Variants in TENT4B observed in about 807,000 individuals in gnomAD.
The protein encoded by TENT4B is terminal nucleotidyltransferase 4B.
In TENT4B, 10 loss-of-function variants were observed where a neutral mutation model predicts 75.0. The observed-to-expected ratio is 0.13, with a 90% confidence interval of 0.08 to 0.23. The LOEUF (loss-of-function observed/expected upper bound fraction) is 0.23. Among genes scored for constraint, TENT4B ranks in the 10% least tolerant of loss-of-function variants. TENT4B has a pLI of 1.00. For synonymous variants in TENT4B, 350 were observed against 357.7 expected, an observed-to-expected ratio of 0.98 and a Z score of 0.24; for missense variants, 579 against 893.8, an observed-to-expected ratio of 0.65 and a Z score of 4.49.
chr16:50,160,752 A>G (rs943209514), intron 1 of TENT4B, among the ~76,000 whole-genome samples: 1 of 152,212 alleles, frequency 6.6e-6, no homozygotes, highest in Non-Finnish European at 1.5e-5. Flanking sequence ...AGAAAATTAA[A>G]GTAATTTTTT....
chr16:50,164,268 A>G (rs1280918866), intron 1 of TENT4B, among the ~76,000 whole-genome samples: 1 of 152,108 alleles, frequency 6.6e-6, no homozygotes, highest in African/African-American at 2.4e-5. Flanking sequence ...ATCCCAAAGT[A>G]TTGGGATTAC....
intron 1 of TENT4B, among the ~76,000 whole-genome samples, chr16:50,207,140 T>A (rs901970932): frequency 6.6e-6 from 1 of 151,992 alleles, no homozygotes; most frequent in African/African-American, 2.4e-5. Context: ...TATATGACTT[T>A]TCTTTTGTGA....
intron 2 of TENT4B, among the ~76,000 whole-genome samples, chr16:50,213,299 C>T (rs1198583312): frequency 1.3e-5 from 2 of 152,100 alleles, no homozygotes; most frequent in African/African-American, 4.8e-5. Context: ...CATCAGGTGA[C>T]CCACCTGCCT....
chr16:50,179,534 G>A (rs552999894), intron 1 of TENT4B, among the ~76,000 whole-genome samples: 167 of 152,198 alleles, frequency 1.1e-3, no homozygotes, highest in African/African-American at 3.7e-3. Flanking sequence ...GCCCAAAATT[G>A]TATATATGAG....
intron 1 of TENT4B, among the ~76,000 whole-genome samples, chr16:50,199,157 G>C (rs879096028): frequency 1.3e-5 from 2 of 152,216 alleles, no homozygotes; most frequent in Admixed American, 1.3e-4. Flanking sequence ...AGAGGGAAGT[G>C]ACCTTCCTTA....
chr16:50,169,572 T>C (rs1294347858), intron 1 of TENT4B, among the ~76,000 whole-genome samples: 2 of 152,148 alleles, frequency 1.3e-5, no homozygotes, highest in Non-Finnish European at 2.9e-5. Flanking sequence ...TTTCTGTTGT[T>C]AGCTGGAATG....
At chr16:50,226,882 A>G (rs556385888) in intron 10 of TENT4B, among the ~76,000 whole-genome samples, 164 of 152,302 alleles carry the variant, frequency 1.1e-3, no homozygotes, top group African/African-American at 3.7e-3. Flanking sequence ...AGTTTCTTCT[A>G]ATTCTTCCTT....
At chr16:50,182,766 C>G (rs1050460139) in intron 1 of TENT4B, among the ~76,000 whole-genome samples, 1 of 151,792 alleles carries the variant, frequency 6.6e-6, no homozygotes, top group Non-Finnish European at 1.5e-5. Context: ...GTATTTCCAT[C>G]TGTGTTCCTC....
rs370339173 is a variant in TENT4B, at chr16:50,182,785, A to T, written c.638+28526A>T. On this transcript the variant is annotated intron_variant, in intron 1 of 11. Transcript: ENST00000561678. Reference sequence around the variant, plus strand: ...TTCCATCTGTGTTCCTCAAAATAAGATTGCTGAGATTCATGTATGTTGCCA... The same window carrying T: ...TTCCATCTGTGTTCCTCAAAATAAGTTTGCTGAGATTCATGTATGTTGCCA... Among the ~76,000 whole-genome samples, 23 of 146,734 alleles carry T rather than the reference A, an allele frequency of 1.6e-4. No individual in the cohort carries two copies. The East Asian group carries it at 4.9e-3, about 31-fold the overall frequency.
chr16:50,207,061 GCTCT>G (rs943690380), intron 1 of TENT4B, among the ~76,000 whole-genome samples: 4 of 147,472 alleles, frequency 2.7e-5, no homozygotes, highest in African/African-American at 7.5e-5. Flanking sequence ...TGTTTCTCTT[GCTCT>G]CTCTTTTTTT....
At chr16:50,159,224 C>G (rs992914281) in intron 1 of TENT4B, among the ~76,000 whole-genome samples, 6 of 150,274 alleles carry the variant, frequency 4.0e-5, no homozygotes, top group African/African-American at 1.5e-4. Context: ...CGCTCTCGCT[C>G]CCTCCCTCTC....
intron 1 of TENT4B, among the ~76,000 whole-genome samples, chr16:50,206,867 G>T (rs370159638): frequency 5.3e-5 from 8 of 150,876 alleles, no homozygotes; most frequent in Non-Finnish European, 1.2e-4. Flanking sequence ...TGATAGGCTG[G>T]ATTCCTTTTC....
At chr16:50,170,668 A>ATT (rs201070394) in intron 1 of TENT4B, among the ~76,000 whole-genome samples, 1 of 145,492 alleles carries the variant, frequency 6.9e-6, no homozygotes. Context: ...CAAGATAGGG[A>ATT]TTTTTTTTTT....
rs1567517199 is a variant in TENT4B, at chr16:50,229,821, T to TTG, written c.*499_*500dup. ...ATTTTTGCATATATTTACCATTTTA[T>TTG]TGTGTGTATATATAGAAGACCATAT... is the stretch of plus-strand genomic sequence containing the variant. On this transcript the variant is annotated 3_prime_UTR_variant, in exon 12 of 12. Coordinates refer to ENST00000561678, the MANE Select transcript of TENT4B (RefSeq NM_001365324.3). 12 of 936,092 alleles carry TTG rather than the reference T, an allele frequency of 1.3e-5. No homozygotes were observed. Among genetic ancestry groups the TTG allele is most frequent in the Non-Finnish European group, 1.5e-5 (12 of 784,868 alleles). The allele number at this position is 936,092 out of a possible 1,614,324, so 58.0% of individuals were successfully genotyped here. A position where few individuals can be genotyped will look rare whatever the true frequency, so the allele number is the denominator to read the frequency against.
Position 50,233,527 on chromosome 16 carries a change from AG to A in TENT4B, c.*4200del, listed in dbSNP as rs2032357683. ...CTTTTTTTTTTGGTCAAAGATAATG[AG>A]CTAAATATATATAGACGTTGAATGT... On this transcript the variant is annotated 3_prime_UTR_variant, in exon 12 of 12. Transcript: ENST00000561678. 1 of 985,018 alleles carries A rather than the reference AG, an allele frequency of 1.0e-6. No individual in the cohort carries two copies. Among genetic ancestry groups the A allele is most frequent in the African/African-American group, 1.7e-5 (1 of 57,180 alleles). 61.0% of individuals were successfully genotyped at this position (985,018 alleles called of 1,614,324 possible).
At chr16:50,192,143 G>A (rs1392587080) in intron 1 of TENT4B, among the ~76,000 whole-genome samples, 5 of 151,490 alleles carry the variant, frequency 3.3e-5, no homozygotes, top group African/African-American at 1.2e-4. Context: ...TCAGGAGGCT[G>A]AGGCTGGAGA....
chr16:50,177,676 A>G (rs1390267800), intron 1 of TENT4B, among the ~76,000 whole-genome samples: 1 of 151,768 alleles, frequency 6.6e-6, no homozygotes, highest in African/African-American at 2.4e-5. Flanking sequence ...TTTTCAAAGA[A>G]CCAGTTTTTG....
At chr16:50,201,964 G>A (rs538463350) in intron 1 of TENT4B, among the ~76,000 whole-genome samples, 37 of 150,398 alleles carry the variant, frequency 2.5e-4, no homozygotes, top group African/African-American at 8.3e-4. Context: ...GTGAGACATC[G>A]TCCCTAAAGA....
chr16:50,153,745 A>AGCGGCGGCGCGAGCGGCG lies in TENT4B; in HGVS notation c.133_150dup (p.Ala45_Gly50dup), dbSNP rs2037824359. 1 of 1,053,652 alleles carries AGCGGCGGCGCGAGCGGCG rather than the reference A, an allele frequency of 9.5e-7. No homozygotes were observed. Among genetic ancestry groups the AGCGGCGGCGCGAGCGGCG allele is most frequent in the Non-Finnish European group, 1.1e-6 (1 of 876,354 alleles). 65.3% of individuals were successfully genotyped at this position (1,053,652 alleles called of 1,614,324 possible). ...CTACTTCAACCACCACTGTCACAGC[A>AGCGGCGGCGCGAGCGGCG]GCGGCGGCGCGAGCGGCGGCGGCGG... On this transcript the variant is annotated inframe_insertion, in exon 1 of 12. Coordinates refer to ENST00000561678, the MANE Select transcript of TENT4B (RefSeq NM_001365324.3).
Sources: gnomAD v4.1 joint callset for allele counts (sites outside exome capture counted in the v4.1 genomes callset) on GRCh38, gnomAD v4.1.1 for gene constraint, MANE v1.5 for transcripts, NCBI Gene and HGNC (gene_info 2026-07-23, HGNC 2026-07-21) for gene names.